Variants in ELP2 observed in about 807,000 individuals in gnomAD.
The protein encoded by ELP2 is elongator acetyltransferase complex subunit 2.
In ELP2, 90 loss-of-function variants were observed where a neutral mutation model predicts 119.2. The ratio of observed to expected loss-of-function variants is 0.75; its 90% CI spans 0.64 to 0.90. The LOEUF is 0.90. Ranked by LOEUF, ELP2 falls within the 40% of genes least tolerant of loss-of-function variation. The pLI, the probability that ELP2 is intolerant of heterozygous loss-of-function variation, is 0.00. For synonymous variants in ELP2, 339 were observed against 331.0 expected, an observed-to-expected ratio of 1.02 and a Z score of -0.26; for missense variants, 921 against 967.8, an observed-to-expected ratio of 0.95 and a Z score of 0.64.
intron 21 of ELP2, 111 bp downstream of exon 21, chr18:36,171,271 G>A (rs1293813901): frequency 1.1e-5 from 8 of 747,284 alleles, no homozygotes; most frequent in East Asian, 2.7e-5. Flanking sequence ...TGTATTCGTC[G>A]TGTCTACCAC....
rs1598813179 is a variant in ELP2 at position 36,161,480 on chromosome 18, G to T, written c.1761+476G>T. ...TAGAGACACAGGGAAATGAGAAGAGGAAACCTGGAGTGAAATCCATCAGAC... is the reference window on the plus strand; with the variant it reads ...TAGAGACACAGGGAAATGAGAAGAGTAAACCTGGAGTGAAATCCATCAGAC... On this transcript the variant is annotated intron_variant, in intron 17 of 21. Coordinates refer to ENST00000358232, the MANE Select transcript of ELP2 (RefSeq NM_018255.4). Among the ~76,000 whole-genome samples the T allele has an allele frequency of 2.0e-5, 3 of 152,122 alleles. No homozygotes were observed. The South Asian group carries it at 6.2e-4, about 32-fold the overall frequency.
chr18:36,153,254 T>C (rs762699295), intron 11 of ELP2, among the ~76,000 whole-genome samples: 1 of 152,216 alleles, frequency 6.6e-6, no homozygotes, highest in Non-Finnish European at 1.5e-5. Flanking sequence ...ATTCCACTGG[T>C]AACTTTAACC....
chr18:36,146,289 T>C lies in ELP2; in HGVS notation c.1033T>C (p.Tyr345His). The C allele has an allele frequency of 3.7e-6, 6 of 1,614,158 alleles. No homozygotes were observed. Among genetic ancestry groups the C allele is most frequent in the Non-Finnish European group, 4.2e-6 (5 of 1,179,990 alleles). Reference protein sequence around the residue: ...GEVGGNTLGFYDCQFNEDGSM... With the variant: ...GEVGGNTLGFHDCQFNEDGSM... The stretch of plus-strand genomic sequence containing the variant: ...AGTAGGTGGGAATACTTTGGGATTT[T>C]ATGATTGCCAGTTCAATGAAGATGG... Residue 345 changes from tyrosine (Y) to histidine (H), a missense_variant, in exon 11 of 22, where the codon TAT (tyrosine) becomes CAT (histidine). Tyr to His is a moderately conservative substitution (Grantham distance 83, BLOSUM62 2). Coordinates refer to ENST00000358232, the MANE Select transcript of ELP2 (RefSeq NM_018255.4).
At chr18:36,136,169 G>C in intron 2 of ELP2, 138 bp from the exon 3 acceptor site, 2 of 668,922 alleles carry the variant, frequency 3.0e-6, no homozygotes, top group Non-Finnish European at 5.4e-6. Flanking sequence ...GAGATATTAA[G>C]CAAATATGGC....
At chr18:36,145,829 A>C in intron 9 of ELP2, 119 bp from the exon 10 acceptor site, 1 of 862,578 alleles carries the variant, frequency 1.2e-6, no homozygotes, top group Non-Finnish European at 2.0e-6. Context: ...ATTTTTTGCT[A>C]TTACAAATAA....
At position 36,154,991 on chromosome 18, in the gene ELP2, C is replaced by G. The variant is rs780185065; in HGVS notation, c.1267C>G (p.Gln423Glu). ...TTTTGCTCCATGGAAGAGAAAAGAC[C>G]AATCACAGGTAAAATGTCTTATTTA... ...RLFAPWKRKD[Q>E]SQVTWHEIAR... The change falls in exon 12 of 22, where the codon CAA becomes GAA. Residue 423 changes from glutamine (Q) to glutamate (E), a missense_variant. Gln to Glu is a conservative substitution (Grantham distance 29). Coordinates refer to ENST00000358232, the MANE Select transcript of ELP2 (RefSeq NM_018255.4). 3 of 1,611,714 alleles carry G rather than the reference C, an allele frequency of 1.9e-6. No individual in the cohort carries two copies. In the African/African-American group the frequency reaches 4.0e-5, roughly 22 times the overall value.
rs1005583982 is a variant in ELP2, at chr18:36,170,946, C to T, written c.2211-101C>T. The T allele has an allele frequency of 3.6e-6, 3 of 834,914 alleles. No homozygotes were observed. The African/African-American group carries it at 5.1e-5, about 14-fold the overall frequency. The allele number at this position is 834,914 out of a possible 1,614,324, so 51.7% of individuals were successfully genotyped here. ...GATGCCTGCAGAGTCTTTTGTAAGGCAGGGACAGTTGGGACACTGTGAAGA... is the reference window on the plus strand; with the variant it reads ...GATGCCTGCAGAGTCTTTTGTAAGGTAGGGACAGTTGGGACACTGTGAAGA... On this transcript the variant is annotated intron_variant, in intron 20 of 21. Coordinates refer to ENST00000358232, the MANE Select transcript of ELP2 (RefSeq NM_018255.4).
At chr18:36,138,190 T>C (rs1598742886) in intron 3 of ELP2, 80 bp from the exon 4 acceptor site, 1 of 1,490,334 alleles carries the variant, frequency 6.7e-7, no homozygotes, top group Non-Finnish European at 9.3e-7. Context: ...TCAGCCATTT[T>C]ATTGGCACAT....
chr18:36,137,803 C>CAAAAAAAAAAAAAAAAAAAA (rs57722627), intron 3 of ELP2, among the ~76,000 whole-genome samples: 3 of 103,698 alleles, frequency 2.9e-5, no homozygotes, highest in South Asian at 3.8e-4. Flanking sequence ...ATATTATCAC[C>CAAAAAAAAAAAAAAAAAAAA]AAAAAAAAAA....
chr18:36,133,442 C>A, intron 2 of ELP2, 126 bp downstream of exon 2: 1 of 730,104 alleles, frequency 1.4e-6, no homozygotes, highest in Non-Finnish European at 2.5e-6. Flanking sequence ...ATTGGAGAAA[C>A]AAGAAAAATG....
intron 16 of ELP2, 101 bp from the exon 17 acceptor site, chr18:36,160,831 T>G: frequency 1.3e-6 from 1 of 761,032 alleles, no homozygotes; most frequent in Admixed American, 2.0e-5. Context: ...GAATTGTATA[T>G]TAGCTAGAGA....
chr18:36,131,907 C>A (rs1437764386), intron 1 of ELP2, among the ~76,000 whole-genome samples: 2 of 145,848 alleles, frequency 1.4e-5, no homozygotes, highest in Admixed American at 1.4e-4. Context: ...GTACTTTGTC[C>A]TGTTAAATAT....
intron 21 of ELP2, 89 bp from the exon 22 acceptor site, chr18:36,174,396 G>A: frequency 7.7e-7 from 1 of 1,296,782 alleles, no homozygotes; most frequent in East Asian, 2.5e-5. Context: ...TTTAAAACCT[G>A]TACATTTCAA....
chr18:36,161,396 A>C (rs1207934141), intron 17 of ELP2, among the ~76,000 whole-genome samples: 2 of 152,132 alleles, frequency 1.3e-5, no homozygotes, highest in Non-Finnish European at 2.9e-5. Flanking sequence ...CTGTATATAA[A>C]ACAGCGATAT....
chr18:36,142,659 AAT>A lies in ELP2; in HGVS notation c.656-166_656-165del, dbSNP rs143063148. Among the ~76,000 whole-genome samples, 5 of 152,318 alleles carry A rather than the reference AAT, an allele frequency of 3.3e-5. No homozygotes were observed. In the South Asian group the frequency reaches 6.2e-4, roughly 19 times the overall value. On this transcript the variant is annotated intron_variant, in intron 7 of 21. Transcript: ENST00000358232. Reference sequence around the variant, plus strand: ...TATTAGCATTGTATGCATATTTGTCAATGTTATTAAAAATGAATATAGATCAA... The same window carrying A: ...TATTAGCATTGTATGCATATTTGTCAGTTATTAAAAATGAATATAGATCAA...
chr18:36,166,325 T>TTTTG (rs34836775), intron 18 of ELP2, among the ~76,000 whole-genome samples: 7,088 of 83,222 alleles, frequency 0.085, 940 homozygotes, highest in Non-Finnish European at 0.13. Context: ...TAGGGTTTTT[T>TTTTG]TTTTTTTTTT....
intron 8 of ELP2, among the ~76,000 whole-genome samples, chr18:36,144,686 A>C (rs1033459825): frequency 1.3e-5 from 2 of 152,236 alleles, no homozygotes; most frequent in Non-Finnish European, 2.9e-5. Context: ...GTAAAAATAT[A>C]AGATATTCCT....
chr18:36,164,833 T>G (rs1447667765), intron 18 of ELP2, 166 bp downstream of exon 18: 6 of 669,934 alleles, frequency 9.0e-6, no homozygotes, highest in Non-Finnish European at 1.6e-5. Flanking sequence ...TGACCTTCCT[T>G]GTAAGATTTA....
At chr18:36,145,906 A>C in intron 9 of ELP2, 42 bp from the exon 10 acceptor site, 2 of 1,500,950 alleles carry the variant, frequency 1.3e-6, no homozygotes, top group Non-Finnish European at 1.9e-6. Context: ...TACAAACATG[A>C]TGATTGTTGA....
Sources: gnomAD v4.1 joint callset for allele counts (sites outside exome capture counted in the v4.1 genomes callset) on GRCh38, gnomAD v4.1.1 for gene constraint, MANE v1.5 for transcripts, NCBI Gene and HGNC (gene_info 2026-07-23, HGNC 2026-07-21) for gene names.